CTNNA1: variants seen among roughly 807,000 people sequenced by gnomAD.
The protein encoded by CTNNA1 is catenin alpha-1.
CTNNA1 carries 37 observed loss-of-function variants against 98.4 expected under a neutral mutation model. The ratio of observed to expected loss-of-function variants is 0.38; its 90% CI spans 0.29 to 0.49. The LOEUF is 0.49. Among genes scored for constraint, CTNNA1 ranks in the 20% least tolerant of loss-of-function variants. The pLI, the probability that CTNNA1 is intolerant of heterozygous loss-of-function variation, is 0.95. For synonymous variants in CTNNA1, 404 were observed against 413.2 expected (o/e 0.98, Z 0.27); for missense variants, 761 against 1,147.2 (o/e 0.66, Z 4.86).
At chr5:138,830,024 G>A (rs1054782102) in intron 7 of CTNNA1, among the ~76,000 whole-genome samples, 19 of 152,224 alleles carry the variant, frequency 1.2e-4, no homozygotes, top group Middle Eastern at 3.4e-3. Flanking sequence ...AAAATTAGCC[G>A]GACATGGAGG....
chr5:138,904,213 T>A, intron 9 of CTNNA1, 136 bp from the exon 10 acceptor site: 1 of 1,034,120 alleles, frequency 9.7e-7, no homozygotes, highest in Non-Finnish European at 1.4e-6. Flanking sequence ...AAGTAAATAA[T>A]CAGGCTGTGA....
At chr5:138,845,960 T>C (rs1172803391) in intron 7 of CTNNA1, among the ~76,000 whole-genome samples, 1 of 151,994 alleles carries the variant, frequency 6.6e-6, no homozygotes, top group East Asian at 1.9e-4. Context: ...AGATTCTCGC[T>C]GTCTGGCCCA....
rs377116325 is a variant in CTNNA1 at position 138,852,223 on chromosome 5, A to G, written c.1062+24505A>G. On this transcript the variant is annotated intron_variant, in intron 7 of 17. Coordinates refer to ENST00000302763, the MANE Select transcript of CTNNA1 (RefSeq NM_001903.5). ...AGTAATAGGGGTATGGAATATTTCA[A>G]TACTTTTAACATTGCCTCAGTGTAA... is the stretch of plus-strand genomic sequence containing the variant. Among the ~76,000 whole-genome samples, 17 of 152,268 alleles carry G rather than the reference A, an allele frequency of 1.1e-4. No homozygotes were observed. The South Asian group carries it at 1.5e-3, about 13-fold the overall frequency.
intron 7 of CTNNA1, among the ~76,000 whole-genome samples, chr5:138,853,670 G>C (rs865973887): frequency 2.6e-5 from 4 of 152,162 alleles, no homozygotes; most frequent in Non-Finnish European, 4.4e-5. Context: ...GAAGAACTAG[G>C]AAAGATGTGT....
intron 3 of CTNNA1, among the ~76,000 whole-genome samples, chr5:138,798,489 T>G (rs1043445482): frequency 6.6e-6 from 1 of 152,236 alleles, no homozygotes; most frequent in African/African-American, 2.4e-5. Context: ...AAACAAGCCT[T>G]TTGTTTTTTT....
chr5:138,807,743 C>T (rs986946268), intron 3 of CTNNA1, among the ~76,000 whole-genome samples: 1 of 151,940 alleles, frequency 6.6e-6, no homozygotes, highest in African/African-American at 2.4e-5. Context: ...TTGTTTAAGA[C>T]AGTATTTATA....
At chr5:138,840,900 C>T (rs1762215652) in intron 7 of CTNNA1, among the ~76,000 whole-genome samples, 1 of 152,154 alleles carries the variant, frequency 6.6e-6, no homozygotes, top group Non-Finnish European at 1.5e-5. Context: ...ACCCTCTCCT[C>T]CCCTCATTAA....
chr5:138,814,278 C>T (rs1447632170), intron 5 of CTNNA1, among the ~76,000 whole-genome samples: 4 of 142,474 alleles, frequency 2.8e-5, no homozygotes, highest in South Asian at 2.2e-4. Flanking sequence ...GATGGAGTTT[C>T]GCTCTTGTTG....
intron 1 of CTNNA1, among the ~76,000 whole-genome samples, chr5:138,779,796 A>T (rs1205386893): frequency 6.6e-6 from 1 of 150,444 alleles, no homozygotes; most frequent in Non-Finnish European, 1.5e-5. Context: ...GCTCACTGCA[A>T]CCTCCACCTC....
At chr5:138,852,859 T>TCGCGCGCGCGCACGCGCACACACACA (rs147859798) in intron 7 of CTNNA1, among the ~76,000 whole-genome samples, 9 of 15,670 alleles carry the variant, frequency 5.7e-4, no homozygotes, top group East Asian at 0.036. Context: ...TTCCCTCTTT[T>TCGCGCGCGCGCACGCGCACACACACA]CGCGCGCGCG....
At chr5:138,831,216 A>C (rs531888271) in intron 7 of CTNNA1, among the ~76,000 whole-genome samples, 2 of 152,284 alleles carry the variant, frequency 1.3e-5, no homozygotes, top group South Asian at 4.1e-4. Flanking sequence ...ACCAGGTTCC[A>C]CTGGCTTTTT....
intron 7 of CTNNA1, among the ~76,000 whole-genome samples, chr5:138,849,137 T>G (rs1762977707): frequency 6.6e-6 from 1 of 152,250 alleles, no homozygotes; most frequent in Non-Finnish European, 1.5e-5. Context: ...ATAAAATTTC[T>G]TGATTATTCT....
intron 14 of CTNNA1, among the ~76,000 whole-genome samples, chr5:138,929,683 C>G (rs1460625657): frequency 6.6e-6 from 1 of 152,178 alleles, no homozygotes; most frequent in Non-Finnish European, 1.5e-5. Context: ...CTGCCTTTGT[C>G]CATCTCGATA....
At chr5:138,834,372 C>T (rs1761571572) in intron 7 of CTNNA1, among the ~76,000 whole-genome samples, 1 of 152,102 alleles carries the variant, frequency 6.6e-6, no homozygotes, top group South Asian at 2.1e-4. Context: ...TATATCTGTT[C>T]TTTTCTTACC....
At chr5:138,931,050 AAAAATGGTTCTTATT>A in intron 16 of CTNNA1, 115 bp downstream of exon 16, 1 of 683,254 alleles carries the variant, frequency 1.5e-6, no homozygotes, top group Non-Finnish European at 2.7e-6. Context: ...ACTCATCTCT[AAAAATGGTTCTTATT>A]AATCCCAGCA....
At position 138,932,620 on chromosome 5, in the gene CTNNA1, C is replaced by G. The variant is rs1207377565; in HGVS notation, c.2341C>G (p.Gln781Glu). The change falls in exon 17 of 18, where the codon CAA (glutamine) becomes GAA (glutamate). Residue 781 changes from glutamine to glutamate, a missense_variant. Transcript: ENST00000302763. ...ACKQDLLAYLQRIALYCHQLN... is the reference protein window; with the variant it reads ...ACKQDLLAYLERIALYCHQLN... Reference sequence around the variant, plus strand: ...CAAGCAGGACCTGCTGGCCTACCTGCAACGCATCGCCCTCTACTGCCACCA... The same window carrying G: ...CAAGCAGGACCTGCTGGCCTACCTGGAACGCATCGCCCTCTACTGCCACCA... 1.2e-6 allele frequency: 2 copies of G among 1,614,220 alleles called. No individual in the cohort carries two copies. Among genetic ancestry groups the G allele is most frequent in the Admixed American group, 3.3e-5 (2 of 60,018 alleles).
At chr5:138,801,399 T>G (rs766457557) in intron 3 of CTNNA1, among the ~76,000 whole-genome samples, 3 of 152,256 alleles carry the variant, frequency 2.0e-5, no homozygotes, top group Admixed American at 2.0e-4. Context: ...TAACTTTCTC[T>G]TAATTTTTTG....
At chr5:138,860,010 A>G (rs1764111270) in intron 7 of CTNNA1, among the ~76,000 whole-genome samples, 1 of 152,112 alleles carries the variant, frequency 6.6e-6, no homozygotes. Context: ...GTGCGTGTGC[A>G]TGCGTGTGTG....
At chr5:138,922,297 C>T (rs2150268215) in intron 11 of CTNNA1, among the ~76,000 whole-genome samples, 1 of 152,270 alleles carries the variant, frequency 6.6e-6, no homozygotes, top group African/African-American at 2.4e-5. Context: ...ATGTTTTCTT[C>T]AACCAGAATG....
Sources: allele counts gnomAD v4.1 joint callset (sites outside exome capture counted in the v4.1 genomes callset), GRCh38; gene constraint gnomAD v4.1.1; transcripts MANE v1.5; gene names NCBI Gene and HGNC (gene_info 2026-07-23, HGNC 2026-07-21).